The following CTNNA1 variants were observed in gnomAD, a reference collection of about 807,000 sequenced individuals.
CTNNA1 encodes catenin alpha-1.
Under a neutral mutation model 98.4 loss-of-function variants are expected in CTNNA1, and 37 were observed. The ratio of observed to expected loss-of-function variants is 0.38; its 90% CI spans 0.29 to 0.49. The LOEUF (loss-of-function observed/expected upper bound fraction) is 0.49, where lower values mean the gene tolerates loss of function less well. Ranked by LOEUF, CTNNA1 falls within the 20% of genes least tolerant of loss-of-function variation. The pLI, the probability that CTNNA1 is intolerant of heterozygous loss-of-function variation, is 0.95. For missense variants in CTNNA1, 761 were observed against 1,147.2 expected (o/e 0.66, Z 4.86); for synonymous variants, 404 against 413.2 (o/e 0.98, Z 0.27).
rs1012760007 is a variant in CTNNA1 at position 138,924,621 on chromosome 5, T to C, written c.1658T>C (p.Ile553Thr). The C allele has an allele frequency of 6.2e-7, 1 of 1,613,742 alleles. No individual in the cohort carries two copies. The highest frequency in any genetic ancestry group is 1.1e-5 in the South Asian group (1 of 90,904). Residue 553 changes from isoleucine (I) to threonine (T), a missense_variant, in exon 12 of 18, where the codon ATT becomes ACT. Ile to Thr is a moderately conservative substitution (Grantham distance 89). Coordinates refer to ENST00000302763, the MANE Select transcript of CTNNA1 (RefSeq NM_001903.5). The part of the protein sequence containing the change: ...GAIRGRAARV[I>T]HVVTSEMDNY... ...ATTCGAGGCCGGGCAGCCCGGGTCA[T>C]TCACGTAGTCACCTCAGAGATGGAC...
intron 7 of CTNNA1, among the ~76,000 whole-genome samples, chr5:138,833,789 G>A (rs1003021981): frequency 2.6e-5 from 4 of 152,170 alleles, no homozygotes; most frequent in Non-Finnish European, 4.4e-5. Context: ...TGTAGTTTTA[G>A]ATAGAAGAAA....
chr5:138,896,319 C>T (rs1041690082), intron 9 of CTNNA1, among the ~76,000 whole-genome samples: 1 of 152,176 alleles, frequency 6.6e-6, no homozygotes, highest in African/African-American at 2.4e-5. Flanking sequence ...TCCTCAGCCT[C>T]CCAGGTAGCT....
At chr5:138,770,292 C>G (rs1459850137) in intron 1 of CTNNA1, among the ~76,000 whole-genome samples, 1 of 152,184 alleles carries the variant, frequency 6.6e-6, no homozygotes, top group Non-Finnish European at 1.5e-5. Flanking sequence ...GTCATTCAGT[C>G]TCATGGAAAC....
At chr5:138,927,733 T>C (rs1764431662) in intron 13 of CTNNA1, among the ~76,000 whole-genome samples, 1 of 151,782 alleles carries the variant, frequency 6.6e-6, no homozygotes, top group African/African-American at 2.4e-5. Flanking sequence ...AATGAATGAA[T>C]GAATGAATGA....
At chr5:138,910,226 C>CTTTTTTTTTTTTT (rs70982740) in intron 10 of CTNNA1, among the ~76,000 whole-genome samples, 2 of 53,228 alleles carry the variant, frequency 3.8e-5, no homozygotes, top group African/African-American at 7.9e-5. Flanking sequence ...TCCTACTTTT[C>CTTTTTTTTTTTTT]TTTTTTTTTT....
chr5:138,926,979 C>G (rs1006904083), intron 13 of CTNNA1, among the ~76,000 whole-genome samples: 1 of 152,142 alleles, frequency 6.6e-6, no homozygotes, highest in Non-Finnish European at 1.5e-5. Context: ...GCCCAGACCT[C>G]GAATCTTTTA....
In CTNNA1 at chr5:138,827,497, G is replaced by A. The variant is rs2149785307; in HGVS notation, c.859-18G>A. The A allele has an allele frequency of 6.2e-7, 1 of 1,612,516 alleles. No homozygotes were observed. Among genetic ancestry groups the A allele is most frequent in the African/African-American group, 1.3e-5 (1 of 75,016 alleles). ...GAACAGAGATGAGTACTAACATTCG[G>A]TAATACTTTCTCTGCAGAAACAAAT... is the stretch of plus-strand genomic sequence containing the variant. On this transcript the variant is annotated intron_variant, in intron 6 of 17. Transcript: ENST00000302763.
Position 138,874,092 on chromosome 5 carries a change from G to T in CTNNA1, c.1063-12120G>T. On this transcript the variant is annotated intron_variant, in intron 7 of 17. Coordinates refer to ENST00000302763, the MANE Select transcript of CTNNA1 (RefSeq NM_001903.5). The surrounding 1 kb of genome is among the most constrained non-coding windows in gnomAD (Gnocchi z 4.1). ...CGTAAATGCAAGGTCTGCAGCTTCC[G>T]AAGGCCATAGAAGAGCTCTGGGTGC... The T allele has an allele frequency of 6.2e-7, 1 of 1,613,730 alleles. No individual in the cohort carries two copies.
chr5:138,873,703 G>A lies in CTNNA1; in HGVS notation c.1063-12509G>A. The A allele has an allele frequency of 1.9e-6, 3 of 1,614,004 alleles. No homozygotes were observed. Among genetic ancestry groups the A allele is most frequent in the South Asian group, 1.1e-5 (1 of 91,084 alleles). ...TGGAATCAAGGCTGTTTAACTTGTT[G>A]TTATCCATGAGGAGTATTTTAAGAT... On this transcript the variant is annotated intron_variant, in intron 7 of 17. Transcript: ENST00000302763. The surrounding 1 kb of genome is among the most constrained non-coding windows in gnomAD (Gnocchi z 6.1).
At chr5:138,775,867 C>T (rs1754071986) in intron 1 of CTNNA1, among the ~76,000 whole-genome samples, 1 of 151,010 alleles carries the variant, frequency 6.6e-6, no homozygotes. Flanking sequence ...GGACTACAGG[C>T]ACCTGCCACC....
At chr5:138,807,382 T>G (rs1037352319) in intron 3 of CTNNA1, among the ~76,000 whole-genome samples, 1 of 151,836 alleles carries the variant, frequency 6.6e-6, no homozygotes, top group African/African-American at 2.4e-5. Context: ...CCCACATCCT[T>G]CCTCTCCTTT....
chr5:138,904,379 A>G lies in CTNNA1; in HGVS notation c.1327A>G (p.Asn443Asp). 1 of 1,614,088 alleles carries G rather than the reference A, an allele frequency of 6.2e-7. No individual in the cohort carries two copies. Among genetic ancestry groups the G allele is most frequent in the Non-Finnish European group, 8.5e-7 (1 of 1,179,952 alleles). ...VANLACSISN[N>D]EEGVKLVRMS... ...CAACTTGGCCTGTTCCATCTCAAATAATGAAGAAGGTGTAAAGCTTGTTCG... is the reference window on the plus strand; with the variant it reads ...CAACTTGGCCTGTTCCATCTCAAATGATGAAGAAGGTGTAAAGCTTGTTCG... The change falls in exon 10 of 18, where the codon AAT becomes GAT. Residue 443 changes from asparagine (N) to aspartate (D), a missense_variant. Transcript: ENST00000302763.
chr5:138,913,344 C>T (rs1409258459), intron 10 of CTNNA1, among the ~76,000 whole-genome samples: 1 of 152,068 alleles, frequency 6.6e-6, no homozygotes, highest in Non-Finnish European at 1.5e-5. Flanking sequence ...ACATCACTCA[C>T]TAATCCCAGC....
Position 138,814,962 on chromosome 5 carries a change from C to T in CTNNA1, c.588+2660C>T, listed in dbSNP as rs1257142499. Among the ~76,000 whole-genome samples the T allele has an allele frequency of 6.6e-5, 10 of 152,196 alleles. No individual in the cohort carries two copies. In the Middle Eastern group the frequency reaches 0.014, roughly 207 times the overall value. The stretch of plus-strand genomic sequence containing the variant: ...AGAGACGGGGTTTCACCATCTTGGC[C>T]AGGCTACTCTTGAACTCCTGACCTT... On this transcript the variant is annotated intron_variant, in intron 5 of 17. Coordinates refer to ENST00000302763, the MANE Select transcript of CTNNA1 (RefSeq NM_001903.5).
intron 4 of CTNNA1, among the ~76,000 whole-genome samples, chr5:138,810,643 G>T (rs1243455459): frequency 1.3e-5 from 2 of 152,170 alleles, no homozygotes; most frequent in Non-Finnish European, 2.9e-5. Context: ...CAAGGCCGAA[G>T]AATTTTTCTT....
chr5:138,932,999 G>C (rs1295118663), intron 17 of CTNNA1: 1 of 764,994 alleles, frequency 1.3e-6, no homozygotes, highest in Non-Finnish European at 2.4e-6. Context: ...CGGGCGTGGT[G>C]GCAGGTACCT....
chr5:138,763,828 GC>G (rs1180135560), intron 1 of CTNNA1, among the ~76,000 whole-genome samples: 1 of 152,202 alleles, frequency 6.6e-6, no homozygotes, highest in African/African-American at 2.4e-5. Flanking sequence ...TCATTCTCTT[GC>G]GTCTGTGGAC....
chr5:138,817,628 T>C (rs1759566114), intron 5 of CTNNA1, among the ~76,000 whole-genome samples: 1 of 152,214 alleles, frequency 6.6e-6, no homozygotes, highest in African/African-American at 2.4e-5. Context: ...TTTGTTTGTT[T>C]TTCCTCTGGG....
intron 7 of CTNNA1, among the ~76,000 whole-genome samples, chr5:138,834,812 A>T (rs1221463936): frequency 6.6e-6 from 1 of 152,196 alleles, no homozygotes; most frequent in Non-Finnish European, 1.5e-5. Context: ...AGACTGCCAA[A>T]CAGGCTTTTT....
Sources: gnomAD v4.1 joint callset for allele counts (sites outside exome capture counted in the v4.1 genomes callset) on GRCh38, gnomAD v4.1.1 for gene constraint, Gnocchi (gnomAD v3.1) non-coding constraint, MANE v1.5 for transcripts, NCBI Gene and HGNC (gene_info 2026-07-23, HGNC 2026-07-21) for gene names.